The following RANBP2 variants were observed in gnomAD, a reference collection of about 807,000 sequenced individuals.
The protein encoded by RANBP2 is E3 SUMO-protein ligase RanBP2.
RANBP2 carries 57 observed loss-of-function variants against 303.6 expected under a neutral mutation model. That is an observed-to-expected ratio of 0.19 (90% CI 0.15 to 0.23). RANBP2 has a LOEUF of 0.23. RANBP2 is among the 10% of genes least tolerant of loss of function. The pLI, the probability that RANBP2 is intolerant of heterozygous loss-of-function variation, is 1.00. For missense variants in RANBP2, 3,138 were observed against 3,780.8 expected, an observed-to-expected ratio of 0.83 and a Z score of 4.46; for synonymous variants, 1,167 against 1,301.5, an observed-to-expected ratio of 0.90 and a Z score of 2.23.
the RANBP2 span, among the ~76,000 whole-genome samples, chr2:109,315,372 A>G: frequency 2.6e-3 from 389 of 152,248 alleles, 1 homozygote; most frequent in African/African-American, 8.9e-3. Flanking sequence ...GAGTCTTGCA[A>G]CTCCATTAGT....
At chr2:109,150,825 A>T in the RANBP2 span, among the ~76,000 whole-genome samples, 3 of 151,796 alleles carry the variant, frequency 2.0e-5, no homozygotes, top group African/African-American at 7.3e-5. Context: ...GGGAGAAATT[A>T]AAAAAAAAGT....
the RANBP2 span, among the ~76,000 whole-genome samples, chr2:109,445,718 C>T: frequency 6.6e-6 from 1 of 151,778 alleles, no homozygotes; most frequent in Non-Finnish European, 1.5e-5. Context: ...GACCCAGAGT[C>T]CTTGTGACTG....
chr2:109,424,243 G>A, the RANBP2 span, among the ~76,000 whole-genome samples: 1 of 152,144 alleles, frequency 6.6e-6, no homozygotes, highest in Non-Finnish European at 1.5e-5. Context: ...GTGAGCCAGC[G>A]CTGGCTTCAG....
the RANBP2 span, among the ~76,000 whole-genome samples, chr2:109,284,622 C>A: frequency 6.6e-6 from 1 of 152,220 alleles, no homozygotes; most frequent in Non-Finnish European, 1.5e-5. Flanking sequence ...TCTAGAAGTG[C>A]ATGGGAGACC....
chr2:108,840,503 A>G, the RANBP2 span, among the ~76,000 whole-genome samples: 1 of 152,166 alleles, frequency 6.6e-6, no homozygotes, highest in Non-Finnish European at 1.5e-5. Context: ...TAAGTTCTTT[A>G]ATAGTTACAG....
the RANBP2 span, among the ~76,000 whole-genome samples, chr2:108,810,873 T>G: frequency 6.6e-6 from 1 of 152,194 alleles, no homozygotes; most frequent in African/African-American, 2.4e-5. Flanking sequence ...TTATGATTGG[T>G]CTGTTCTAGT....
the RANBP2 span, chr2:109,371,438 G>A: frequency 1.7e-6 from 1 of 593,650 alleles, no homozygotes; most frequent in South Asian, 2.5e-5. Flanking sequence ...GGGTGAAGAT[G>A]TCAGATACCT....
At chr2:109,560,200 G>T in the RANBP2 span, among the ~76,000 whole-genome samples, 1 of 152,154 alleles carries the variant, frequency 6.6e-6, no homozygotes, top group Non-Finnish European at 1.5e-5. Flanking sequence ...GATTACAGGC[G>T]TGAGCCACCG....
chr2:109,170,194 C>A, the RANBP2 span, among the ~76,000 whole-genome samples: 10 of 151,920 alleles, frequency 6.6e-5, no homozygotes, highest in African/African-American at 2.4e-4. Flanking sequence ...TGCAGATGAA[C>A]GAGATGTTTT....
chr2:108,768,369 A>G lies in RANBP2; in HGVS notation c.7830A>G (p.Thr2610=). ...CGGAAGAATCTTCAATCAACTACAC[A>G]TTTAAAACACCAGAAAAGGGTAAGT... ...FPTEESSINY[T]FKTPEKAKEK... Residue 2610 remains threonine, a synonymous_variant, in exon 20 of 29, where the codon ACA becomes ACG. Coordinates refer to ENST00000283195, the MANE Select transcript of RANBP2 (RefSeq NM_006267.5). 2 of 1,611,714 alleles carry G rather than the reference A, an allele frequency of 1.2e-6. No homozygotes were observed. Among genetic ancestry groups the G allele is most frequent in the Admixed American group, 1.7e-5 (1 of 60,022 alleles).
At chr2:109,567,357 TACTAA>T in the RANBP2 span, among the ~76,000 whole-genome samples, 2 of 152,202 alleles carry the variant, frequency 1.3e-5, no homozygotes, top group Admixed American at 6.5e-5. Context: ...CCTTCCATTG[TACTAA>T]ACTAAAAGTT....
the RANBP2 span, among the ~76,000 whole-genome samples, chr2:109,108,314 C>T: frequency 6.6e-6 from 1 of 152,228 alleles, no homozygotes; most frequent in Non-Finnish European, 1.5e-5. Context: ...GCTGGGATTA[C>T]AGGTGTAAGC....
At chr2:109,294,001 G>A in the RANBP2 span, among the ~76,000 whole-genome samples, 1 of 152,160 alleles carries the variant, frequency 6.6e-6, no homozygotes, top group Admixed American at 6.5e-5. Context: ...GTGCTTGGCC[G>A]AGCAGCTGGT....
the RANBP2 span, among the ~76,000 whole-genome samples, chr2:108,984,192 C>G: frequency 2.5e-3 from 385 of 152,266 alleles, 1 homozygote; most frequent in African/African-American, 8.4e-3. Flanking sequence ...CTCCTGCCAC[C>G]CTTCCTGCTG....
At chr2:109,224,015 A>G in the RANBP2 span, among the ~76,000 whole-genome samples, 1 of 152,174 alleles carries the variant, frequency 6.6e-6, no homozygotes, top group Non-Finnish European at 1.5e-5. Context: ...AACAAATTCA[A>G]TCAATAAAAT....
chr2:109,506,472 G>A, the RANBP2 span, among the ~76,000 whole-genome samples: 1 of 152,260 alleles, frequency 6.6e-6, no homozygotes, highest in African/African-American at 2.4e-5. Context: ...ACCCTGGAGA[G>A]AGGGAGCCAC....
chr2:109,043,527 G>T, the RANBP2 span, among the ~76,000 whole-genome samples: 1 of 152,060 alleles, frequency 6.6e-6, no homozygotes, highest in Non-Finnish European at 1.5e-5. Context: ...ATTTTTCAGG[G>T]TTTTACTATG....
intron 20 of RANBP2, chr2:108,769,264 T>G (rs1279774492): frequency 2.0e-6 from 2 of 985,330 alleles, no homozygotes; most frequent in Middle Eastern, 5.2e-4. Context: ...TTCTAGGATT[T>G]AATTTTAGCC....
At chr2:108,939,108 A>G in the RANBP2 span, among the ~76,000 whole-genome samples, 2 of 152,070 alleles carry the variant, frequency 1.3e-5, no homozygotes, top group Admixed American at 1.3e-4. Flanking sequence ...GCATAGTAAC[A>G]TGAAGTTTTG....
Sources: gnomAD v4.1 joint callset for allele counts (sites outside exome capture counted in the v4.1 genomes callset) on GRCh38, gnomAD v4.1.1 for gene constraint, MANE v1.5 for transcripts, NCBI Gene and HGNC (gene_info 2026-07-23, HGNC 2026-07-21) for gene names.